ZNF333: variants seen among roughly 807,000 people sequenced by gnomAD.
The protein encoded by ZNF333 is zinc finger protein 333.
In ZNF333, 61 loss-of-function variants were observed where a neutral mutation model predicts 76.1. That is an observed-to-expected ratio of 0.80 (90% CI 0.65 to 0.99). The LOEUF (loss-of-function observed/expected upper bound fraction) is 0.99, where lower values mean the gene tolerates loss of function less well. Among genes scored for constraint, ZNF333 ranks in the 50% least tolerant of loss-of-function variants. The pLI, the probability that ZNF333 is intolerant of heterozygous loss-of-function variation, is 0.00. For missense variants in ZNF333, 717 were observed against 822.4 expected, an observed-to-expected ratio of 0.87 and a Z score of 1.57; for synonymous variants, 284 against 305.0, an observed-to-expected ratio of 0.93 and a Z score of 0.72.
intron 10 of ZNF333, 127 bp from the exon 11 acceptor site, chr19:14,717,530 C>A (rs906543725): frequency 1.4e-6 from 1 of 736,030 alleles, no homozygotes. Flanking sequence ...ATTGCAATTT[C>A]TTCCCGTACA....
chr19:14,695,727 CAA>C, intron 4 of ZNF333, 66 bp downstream of exon 4: 6 of 1,443,828 alleles, frequency 4.2e-6, no homozygotes, highest in South Asian at 1.2e-5. Context: ...TGGGAAGTGT[CAA>C]GAGCATTTTC....
chr19:14,725,799 C>A (rs1277855965), downstream of ZNF333, among the ~76,000 whole-genome samples: 2 of 152,208 alleles, frequency 1.3e-5, no homozygotes, highest in African/African-American at 2.4e-5. Context: ...CAGGGTGCAA[C>A]CCCCATGGCT....
chr19:14,711,628 G>A (rs2042277690), intron 7 of ZNF333, among the ~76,000 whole-genome samples: 1 of 152,164 alleles, frequency 6.6e-6, no homozygotes, highest in South Asian at 2.1e-4. Flanking sequence ...TCCAGCCTGG[G>A]TGAGAGAGCA....
downstream of ZNF333, among the ~76,000 whole-genome samples, chr19:14,725,363 A>G (rs954184864): frequency 5.3e-5 from 8 of 152,116 alleles, no homozygotes; most frequent in Admixed American, 2.0e-4. Context: ...TCTAAACTAT[A>G]TTATTCTGCC....
chr19:14,715,360 T>C lies in ZNF333; in HGVS notation c.512-22T>C. Reference sequence around the variant, plus strand: ...CCAGTAGGCCAGGCACCAACCCTCATGCCTCTTCCCTTCTCCCCTAGCTGT... The same window carrying C: ...CCAGTAGGCCAGGCACCAACCCTCACGCCTCTTCCCTTCTCCCCTAGCTGT... On this transcript the variant is annotated intron_variant, in intron 7 of 11. Coordinates refer to ENST00000292530, the MANE Select transcript of ZNF333 (RefSeq NM_032433.4). The C allele has an allele frequency of 2.5e-6, 4 of 1,611,694 alleles. 1 individual carries two copies. The Admixed American group carries it at 6.7e-5, about 27-fold the overall frequency.
intron 1 of ZNF333, among the ~76,000 whole-genome samples, chr19:14,692,141 G>A (rs1288930424): frequency 6.6e-6 from 1 of 152,084 alleles, no homozygotes; most frequent in Non-Finnish European, 1.5e-5. Flanking sequence ...TACAGTGCTT[G>A]CCCCTGTGGA....
At chr19:14,709,535 C>A (rs2042218065) in intron 7 of ZNF333, among the ~76,000 whole-genome samples, 1 of 152,232 alleles carries the variant, frequency 6.6e-6, no homozygotes, top group Non-Finnish European at 1.5e-5. Flanking sequence ...CTGAATTGTG[C>A]TCCCCTTCTC....
chr19:14,718,435 A>G lies in ZNF333; in HGVS notation c.1108A>G (p.Lys370Glu). 6.2e-7 allele frequency: 1 copy of G among 1,614,236 alleles called. No homozygotes were observed. The highest frequency in any genetic ancestry group is 8.5e-7 in the Non-Finnish European group (1 of 1,180,042). ...RSGDKSYACN[K>E]CEKSFRYSSD... Reference sequence around the variant, plus strand: ...TGGGGATAAATCCTATGCATGTAACAAATGTGAAAAATCCTTCAGATACAG... The same window carrying G: ...TGGGGATAAATCCTATGCATGTAACGAATGTGAAAAATCCTTCAGATACAG... The change falls in exon 12 of 12, where the codon AAA becomes GAA. Residue 370 changes from lysine to glutamate, a missense_variant. Lys to Glu is a moderately conservative substitution (Grantham distance 56). Coordinates refer to ENST00000292530, the MANE Select transcript of ZNF333 (RefSeq NM_032433.4).
intron 2 of ZNF333, among the ~76,000 whole-genome samples, chr19:14,693,978 TCTAA>T (rs1568519572): frequency 2.8e-5 from 2 of 72,416 alleles, no homozygotes; most frequent in Non-Finnish European, 2.5e-5. Flanking sequence ...AAACCTTGTC[TCTAA>T]AAAAAAAAAA....
chr19:14,714,058 A>C (rs2042353098), intron 7 of ZNF333, among the ~76,000 whole-genome samples: 1 of 152,166 alleles, frequency 6.6e-6, no homozygotes, highest in African/African-American at 2.4e-5. Flanking sequence ...GGGTGGTGCC[A>C]GCCCTTGGAA....
chr19:14,713,986 T>C (rs781144121), intron 7 of ZNF333, among the ~76,000 whole-genome samples: 12 of 151,730 alleles, frequency 7.9e-5, no homozygotes, highest in Middle Eastern at 3.4e-3. Flanking sequence ...CCAGGAGAGA[T>C]TGGATGATGA....
At position 14,719,184 on chromosome 19, in the gene ZNF333, A is replaced by G. The variant is rs761919491; in HGVS notation, c.1857A>G (p.Gln619=). ...VRTHSAGRPY[Q]CNQCEKAFRH... Reference sequence around the variant, plus strand: ...CACACAGTGCCGGGAGACCCTATCAATGTAATCAGTGTGAGAAAGCCTTCA... The same window carrying G: ...CACACAGTGCCGGGAGACCCTATCAGTGTAATCAGTGTGAGAAAGCCTTCA... The change falls in exon 12 of 12, where the codon CAA becomes CAG. Residue 619 remains glutamine (Q), a synonymous_variant. Transcript: ENST00000292530. The G allele has an allele frequency of 1.9e-6, 3 of 1,614,214 alleles. No individual in the cohort carries two copies. The highest frequency in any genetic ancestry group is 1.1e-5 in the South Asian group (1 of 91,084).
At chr19:14,695,745 C>T (rs148610577) in intron 4 of ZNF333, 84 bp downstream of exon 4, 14 of 1,211,974 alleles carry the variant, frequency 1.2e-5, no homozygotes, top group Non-Finnish European at 1.6e-5. Flanking sequence ...TTTTCAAAGG[C>T]CCTTTGTTCT....
intron 11 of ZNF333, among the ~76,000 whole-genome samples, chr19:14,727,349 C>A (rs1351021248): frequency 6.6e-6 from 1 of 152,104 alleles, no homozygotes; most frequent in Non-Finnish European, 1.5e-5. Context: ...GTTTAATTGG[C>A]TCACTGTTTT....
At chr19:14,695,538 C>T (rs372850674) in intron 3 of ZNF333, 28 bp from the exon 4 acceptor site, 2 of 1,605,496 alleles carry the variant, frequency 1.2e-6, no homozygotes, top group Admixed American at 1.7e-5. Flanking sequence ...CTCTCTCTCT[C>T]AGTGCCTGTG....
At chr19:14,694,483 GAA>G (rs5827252) in intron 2 of ZNF333, among the ~76,000 whole-genome samples, 1 of 149,268 alleles carries the variant, frequency 6.7e-6, no homozygotes. Context: ...AAAAAAAAAA[GAA>G]AAAAAGAAAA....
chr19:14,720,441 G>T lies in ZNF333; in HGVS notation c.*1116G>T. On this transcript the variant is annotated 3_prime_UTR_variant, in exon 12 of 12. Transcript: ENST00000292530. ...GGTAAAAGCCGCAAGCTAAGAAGAG[G>T]GTGGCCGGAAGTCATAACCATCTTG... 2.0e-6 allele frequency: 2 copies of T among 985,348 alleles called. No homozygotes were observed. The highest frequency in any genetic ancestry group is 2.4e-6 in the Non-Finnish European group (2 of 829,926). 61.0% of individuals were successfully genotyped at this position (985,348 alleles called of 1,614,324 possible).
At chr19:14,694,707 T>A (rs3915404) in intron 2 of ZNF333, among the ~76,000 whole-genome samples, 51,855 of 151,910 alleles carry the variant, frequency 0.34, 9,318 homozygotes, top group East Asian at 0.61. Context: ...CAGAGAGCCA[T>A]AACTTTACAC....
At chr19:14,701,917 T>C (rs1329661985) in intron 5 of ZNF333, 29 of 984,964 alleles carry the variant, frequency 2.9e-5, no homozygotes, top group Non-Finnish European at 3.4e-5. Context: ...GAGCTAGGAG[T>C]TGAACCCAGA....
Sources: allele counts gnomAD v4.1 joint callset (sites outside exome capture counted in the v4.1 genomes callset), GRCh38; gene constraint gnomAD v4.1.1; transcripts MANE v1.5; gene names NCBI Gene and HGNC (gene_info 2026-07-23, HGNC 2026-07-21).